The following ACAP2 variants were observed in gnomAD, a reference collection of about 807,000 sequenced individuals.
ACAP2 encodes the protein ArfGAP with coiled-coil, ankyrin repeat and PH domains 2.
ACAP2 carries 39 observed loss-of-function variants against 115.8 expected under a neutral mutation model. The ratio of observed to expected loss-of-function variants is 0.34; its 90% confidence interval spans 0.26 to 0.44. ACAP2 has a LOEUF of 0.44. Among genes scored for constraint, ACAP2 ranks in the 20% least tolerant of loss-of-function variants. The pLI is 1.00. For missense variants in ACAP2, 662 were observed against 927.6 expected (o/e 0.71, Z 3.72); for synonymous variants, 289 against 315.8 (o/e 0.92, Z 0.90).
intron 4 of ACAP2, among the ~76,000 whole-genome samples, chr3:195,375,805 C>T (rs532222191): frequency 2.0e-5 from 3 of 152,238 alleles, no homozygotes; most frequent in African/African-American, 7.2e-5. Context: ...AAGACCCTGT[C>T]TCAAAAATGA....
At chr3:195,358,002 C>T (rs141335967) in intron 4 of ACAP2, among the ~76,000 whole-genome samples, 57 of 152,306 alleles carry the variant, frequency 3.7e-4, no homozygotes, top group African/African-American at 1.3e-3. Flanking sequence ...GGGGAAACCA[C>T]TCCCATGATC....
intron 1 of ACAP2, among the ~76,000 whole-genome samples, chr3:195,406,554 A>C (rs1222624033): frequency 1.3e-5 from 2 of 152,170 alleles, no homozygotes; most frequent in Non-Finnish European, 1.5e-5. Context: ...GAGAACTAAA[A>C]ATCCCGGCCT....
intron 1 of ACAP2, among the ~76,000 whole-genome samples, chr3:195,403,257 G>C (rs1430923986): frequency 1.3e-5 from 2 of 152,196 alleles, no homozygotes; most frequent in African/African-American, 4.8e-5. Context: ...CAGAAAGGGA[G>C]AGAGCTGCGG....
chr3:195,422,530 G>C (rs115369692), intron 1 of ACAP2, among the ~76,000 whole-genome samples: 1,795 of 152,146 alleles, frequency 0.012, 34 homozygotes, highest in African/African-American at 0.04. Context: ...TGCCCAGGCT[G>C]GAGTGCAGTG....
chr3:195,275,612 G>A lies in ACAP2; in HGVS notation c.*3716C>T, dbSNP rs1726161821. 6.6e-6 allele frequency: 1 copy of A among 152,144 alleles called. No individual in the cohort carries two copies. The highest frequency in any genetic ancestry group is 1.5e-5 in the Non-Finnish European group (1 of 68,026). The allele number at this position is 152,144 out of a possible 1,614,324, so 9.4% of individuals were successfully genotyped here. A position where few individuals can be genotyped will look rare whatever the true frequency, so the allele number is the denominator to read the frequency against. On this transcript the variant is annotated 3_prime_UTR_variant, in exon 23 of 23. Transcript: ENST00000326793. ...AATCATTTCATGATACAAATAAAGT[G>A]CCTCTGACTGGTGGTCAGTCAGACC...
At chr3:195,319,453 G>A (rs752213940) in intron 10 of ACAP2, among the ~76,000 whole-genome samples, 27 of 152,210 alleles carry the variant, frequency 1.8e-4, no homozygotes, top group African/African-American at 4.6e-4. Context: ...TAAAAGCAGC[G>A]CAGGGGCTAC....
At chr3:195,315,942 G>A (rs1045502233) in intron 10 of ACAP2, among the ~76,000 whole-genome samples, 10 of 152,150 alleles carry the variant, frequency 6.6e-5, no homozygotes, top group African/African-American at 2.4e-4. Flanking sequence ...AAATGGCAGT[G>A]CAATATTCTA....
chr3:195,307,783 T>C (rs1477594347), intron 11 of ACAP2, among the ~76,000 whole-genome samples: 1 of 152,160 alleles, frequency 6.6e-6, no homozygotes, highest in Admixed American at 6.5e-5. Flanking sequence ...CTTTCTACTG[T>C]TTAATAAAAA....
At chr3:195,369,303 T>C (rs1026617572) in intron 4 of ACAP2, among the ~76,000 whole-genome samples, 3 of 152,224 alleles carry the variant, frequency 2.0e-5, no homozygotes, top group Admixed American at 6.5e-5. Flanking sequence ...CAGTGGTACA[T>C]GTGCAGGTTA....
At position 195,351,428 on chromosome 3, in the gene ACAP2, AT is replaced by A. The variant is rs1244662032; in HGVS notation, c.286-6112del. On this transcript the variant is annotated intron_variant, in intron 4 of 22. Coordinates refer to ENST00000326793, the MANE Select transcript of ACAP2 (RefSeq NM_012287.6). ...CACCACGCCAGGCCAATAAATCCAT[AT>A]TTTTTCTTTTTCGTGTGTGTGTGTG... Among the ~76,000 whole-genome samples, 3 of 129,832 alleles carry A rather than the reference AT, an allele frequency of 2.3e-5. No individual in the cohort carries two copies. In the East Asian group the frequency reaches 7.1e-4, roughly 31 times the overall value. 85.2% of individuals were successfully genotyped at this position (129,832 alleles called of 152,430 possible).
chr3:195,304,811 C>T (rs368314592), intron 13 of ACAP2, among the ~76,000 whole-genome samples: 82 of 152,322 alleles, frequency 5.4e-4, no homozygotes, highest in African/African-American at 1.8e-3. Context: ...CAGACTTAGA[C>T]AAAGGCCACA....
chr3:195,321,812 C>T (rs1312366712), intron 9 of ACAP2, among the ~76,000 whole-genome samples: 2 of 151,812 alleles, frequency 1.3e-5, no homozygotes, highest in East Asian at 1.9e-4. Context: ...AGGATTTCAC[C>T]ATGTTAGCCA....
At chr3:195,304,508 T>G (rs938851022) in intron 13 of ACAP2, among the ~76,000 whole-genome samples, 6 of 152,196 alleles carry the variant, frequency 3.9e-5, no homozygotes, top group Non-Finnish European at 8.8e-5. Context: ...AATCCTACTG[T>G]CGCTGCCCCC....
intron 1 of ACAP2, among the ~76,000 whole-genome samples, chr3:195,402,035 C>A (rs1041832256): frequency 5.9e-5 from 9 of 152,172 alleles, no homozygotes; most frequent in Non-Finnish European, 1.2e-4. Context: ...CCCACCACCA[C>A]CATTTCCACA....
At chr3:195,405,664 C>A (rs905129781) in intron 1 of ACAP2, among the ~76,000 whole-genome samples, 6 of 149,420 alleles carry the variant, frequency 4.0e-5, no homozygotes, top group Admixed American at 2.0e-4. Context: ...CCAGCCTAGG[C>A]AACAGAGTGA....
intron 4 of ACAP2, among the ~76,000 whole-genome samples, chr3:195,366,425 ATAAT>A (rs1457599910): frequency 6.6e-6 from 1 of 152,226 alleles, no homozygotes; most frequent in Non-Finnish European, 1.5e-5. Flanking sequence ...AGATGTTGCA[ATAAT>A]TAGAGACACT....
At chr3:195,355,790 C>T (rs1731924097) in intron 4 of ACAP2, among the ~76,000 whole-genome samples, 1 of 152,162 alleles carries the variant, frequency 6.6e-6, no homozygotes, top group Non-Finnish European at 1.5e-5. Flanking sequence ...GAGCATTATC[C>T]CCATTTCCAG....
At chr3:195,323,732 G>A (rs1729595201) in intron 9 of ACAP2, among the ~76,000 whole-genome samples, 1 of 152,054 alleles carries the variant, frequency 6.6e-6, no homozygotes, top group Non-Finnish European at 1.5e-5. Context: ...GAGCTGGAGA[G>A]TAGAAGGATG....
chr3:195,295,546 T>A (rs1327857085), intron 17 of ACAP2, 162 bp downstream of exon 17: 1 of 769,288 alleles, frequency 1.3e-6, no homozygotes, highest in Non-Finnish European at 2.1e-6. Flanking sequence ...TGTTTAAAGT[T>A]AACTATTTTA....
Sources: gnomAD v4.1 joint callset for allele counts (sites outside exome capture counted in the v4.1 genomes callset) on GRCh38, gnomAD v4.1.1 for gene constraint, MANE v1.5 for transcripts, NCBI Gene and HGNC (gene_info 2026-07-23, HGNC 2026-07-21) for gene names.